Variants in PCDH15 observed in about 807,000 individuals in gnomAD.
PCDH15 encodes protocadherin-15.
A neutral mutation model predicts 178.5 loss-of-function variants in PCDH15; 129 were observed. That is an observed-to-expected ratio of 0.72 (90% confidence interval 0.63 to 0.84). PCDH15 has a LOEUF of 0.84. Ranked by LOEUF, PCDH15 falls within the 40% of genes least tolerant of loss-of-function variation. PCDH15 has a pLI of 0.00. For missense variants in PCDH15, 2,230 were observed against 2,099.9 expected, an observed-to-expected ratio of 1.06 and a Z score of -1.21; for synonymous variants, 800 against 732.0, an observed-to-expected ratio of 1.09 and a Z score of -1.50.
At chr10:54,471,876 T>A (rs2077942390) in intron 3 of PCDH15, among the ~76,000 whole-genome samples, 1 of 152,170 alleles carries the variant, frequency 6.6e-6, no homozygotes, top group Admixed American at 6.5e-5. Context: ...TGTATATTTT[T>A]AAACATCTTT....
intron 1 of PCDH15, among the ~76,000 whole-genome samples, chr10:54,752,521 C>A (rs758804762): frequency 0.083 from 4,746 of 57,506 alleles, 1,063 homozygotes; most frequent in Middle Eastern, 0.17. Context: ...AACAAACAAA[C>A]AAACAAACAA....
chr10:53,969,812 A>C (rs144806640), intron 21 of PCDH15, among the ~76,000 whole-genome samples: 2,112 of 152,286 alleles, frequency 0.014, 59 homozygotes, highest in African/African-American at 0.048. Flanking sequence ...AAATGCTGAG[A>C]TATTTTGTCA....
At chr10:55,297,285 G>A (rs1843158332) in intron 1 of PCDH15, among the ~76,000 whole-genome samples, 2 of 151,990 alleles carry the variant, frequency 1.3e-5, no homozygotes, top group South Asian at 4.2e-4. Context: ...TAATTCCATG[G>A]TTATAAACAT....
At chr10:55,084,666 A>G (rs973280179) in intron 2 of PCDH15, among the ~76,000 whole-genome samples, 1 of 152,032 alleles carries the variant, frequency 6.6e-6, no homozygotes, top group Non-Finnish European at 1.5e-5. Flanking sequence ...AATATTTGCT[A>G]ACTATCCATC....
At chr10:55,599,207 T>A (rs1843009078) in intron 2 of PCDH15, 1 of 152,136 alleles carries the variant, frequency 6.6e-6, no homozygotes, top group Non-Finnish European at 1.5e-5. Flanking sequence ...CCAGAACAGC[T>A]AGAAGAGTAC....
intron 8 of PCDH15, among the ~76,000 whole-genome samples, chr10:54,308,141 C>T (rs118041982): frequency 8.2e-4 from 125 of 152,182 alleles, no homozygotes; most frequent in Non-Finnish European, 1.6e-3. Flanking sequence ...AACTATCTTA[C>T]GCTGTGATGG....
chr10:55,381,097 T>A (rs1837523463), intron 2 of PCDH15, among the ~76,000 whole-genome samples: 1 of 152,142 alleles, frequency 6.6e-6, no homozygotes, highest in Non-Finnish European at 1.5e-5. Flanking sequence ...TTTCCCCTGA[T>A]GTGCTTTGGT....
At chr10:54,150,272 TA>T (rs955701381) in intron 14 of PCDH15, among the ~76,000 whole-genome samples, 1 of 152,110 alleles carries the variant, frequency 6.6e-6, no homozygotes, top group African/African-American at 2.4e-5. Context: ...AAATCTAGTT[TA>T]AAAATGTAAA....
At chr10:55,183,892 AC>A in intron 1 of PCDH15, among the ~76,000 whole-genome samples, 1 of 152,098 alleles carries the variant, frequency 6.6e-6, no homozygotes, top group South Asian at 2.1e-4. Flanking sequence ...ATTAATAATT[AC>A]ATTTAAAAAG....
At chr10:55,574,483 T>C (rs533859161) in intron 2 of PCDH15, among the ~76,000 whole-genome samples, 1 of 152,164 alleles carries the variant, frequency 6.6e-6, no homozygotes. Flanking sequence ...TGTCAGAGTA[T>C]TGCTTTCCAA....
At chr10:55,169,560 A>G (rs1025540188) in intron 1 of PCDH15, among the ~76,000 whole-genome samples, 1 of 152,072 alleles carries the variant, frequency 6.6e-6, no homozygotes, top group African/African-American at 2.4e-5. Flanking sequence ...ATTTATTAAC[A>G]TAAAAGCAGG....
chr10:55,242,582 T>C (rs987257737), intron 1 of PCDH15, among the ~76,000 whole-genome samples: 12 of 152,126 alleles, frequency 7.9e-5, no homozygotes, highest in African/African-American at 2.9e-4. Flanking sequence ...CTCATGTCTA[T>C]AATCCTATTA....
Position 53,940,852 on chromosome 10 carries a change from A to G in PCDH15, c.3232+14T>C. On this transcript the variant is annotated intron_variant, in intron 24 of 37. Transcript: ENST00000644397. ...CTGGTTGATGGTGAGAACACAAACTAAAAGTCTACTCACCTTCTTCATTTC... is the reference window on the plus strand; with the variant it reads ...CTGGTTGATGGTGAGAACACAAACTGAAAGTCTACTCACCTTCTTCATTTC... 6.4e-7 allele frequency: 1 copy of G among 1,573,762 alleles called. No individual in the cohort carries two copies. The highest frequency in any genetic ancestry group is 8.7e-7 in the Non-Finnish European group (1 of 1,143,464).
intron 8 of PCDH15, among the ~76,000 whole-genome samples, chr10:54,260,313 A>T (rs1478583938): frequency 6.6e-6 from 1 of 151,570 alleles, no homozygotes; most frequent in African/African-American, 2.4e-5. Flanking sequence ...TTTGAGAAGG[A>T]ATCTCTCTCT....
At position 54,213,987 on chromosome 10, in the gene PCDH15, G is replaced by T; in HGVS notation, c.1047C>A (p.Leu349=). 1 of 1,612,224 alleles carries T rather than the reference G, an allele frequency of 6.2e-7. No individual in the cohort carries two copies. Among genetic ancestry groups the T allele is most frequent in the South Asian group, 1.1e-5 (1 of 91,018 alleles). ...HMHPRTAELS[L]LEPVNRDFHQ... Reference sequence around the variant, plus strand: ...GAAAGTCTCTGTTTACTGGCTCCAGGAGACTAAGTTCTGCTGTCCTAGGAT... The same window carrying T: ...GAAAGTCTCTGTTTACTGGCTCCAGTAGACTAAGTTCTGCTGTCCTAGGAT... The change falls in exon 10 of 38, where the codon CTC becomes CTA. Residue 349 remains leucine, a synonymous_variant. Transcript: ENST00000644397.
chr10:54,624,812 G>A (rs906774786), intron 2 of PCDH15, among the ~76,000 whole-genome samples: 18 of 152,182 alleles, frequency 1.2e-4, no homozygotes, highest in South Asian at 2.1e-4. Flanking sequence ...TCTAGGTTGC[G>A]TGCTCCTAAT....
chr10:54,882,389 C>T (rs1374754156), intron 3 of PCDH15, among the ~76,000 whole-genome samples: 1 of 151,958 alleles, frequency 6.6e-6, no homozygotes, highest in East Asian at 1.9e-4. Flanking sequence ...ATGTCTACTT[C>T]CCCACAGTTT....
At chr10:55,474,810 TA>T (rs1280422651) in intron 2 of PCDH15, among the ~76,000 whole-genome samples, 5 of 152,134 alleles carry the variant, frequency 3.3e-5, no homozygotes, top group African/African-American at 1.2e-4. Flanking sequence ...TCTTTTTTTG[TA>T]TAATAATCAC....
At chr10:54,447,957 AT>A (rs5785075) in intron 3 of PCDH15, among the ~76,000 whole-genome samples, 97,482 of 151,244 alleles carry the variant, frequency 0.64, 31,974 homozygotes, top group African/African-American at 0.7. Context: ...ATATTACTCA[AT>A]TTTTTTTCTA....
Sources: allele counts gnomAD v4.1 joint callset (sites outside exome capture counted in the v4.1 genomes callset), GRCh38; gene constraint gnomAD v4.1.1; transcripts MANE v1.5; gene names NCBI Gene and HGNC (gene_info 2026-07-23, HGNC 2026-07-21).